The following PRH1 variants were observed in gnomAD, a reference collection of about 807,000 sequenced individuals.
The protein encoded by PRH1 is salivary acidic proline-rich phosphoprotein 1/2.
Under a neutral mutation model 7.9 loss-of-function variants are expected in PRH1, and 7 were observed. That is an observed-to-expected ratio of 0.89 (90% CI 0.50 to 1.67). The LOEUF (loss-of-function observed/expected upper bound fraction) is 1.67, where lower values mean the gene tolerates loss of function less well. Among genes scored for constraint, PRH1 ranks in the 40% most tolerant of loss-of-function variants. The pLI, the probability that PRH1 is intolerant of heterozygous loss-of-function variation, is 0.00. For synonymous variants in PRH1, 45 were observed against 80.8 expected (o/e 0.56, Z 2.38); for missense variants, 109 against 223.6 (o/e 0.49, Z 3.27).
chr12:11,161,385 T>G (rs906517933), intron 1 of PRH1, among the ~76,000 whole-genome samples: 4 of 152,210 alleles, frequency 2.6e-5, no homozygotes, highest in Non-Finnish European at 2.9e-5. Context: ...TTTAGAGGAT[T>G]TGGATAGTGA....
At chr12:11,171,130 C>T (rs1947823638) in intron 1 of PRH1, 2 of 392,584 alleles carry the variant, frequency 5.1e-6, no homozygotes, top group Non-Finnish European at 9.0e-6. Flanking sequence ...ATCAGTTGAG[C>T]TCTAAATGGT....
At chr12:11,026,332 G>T (rs1392379057) in intron 1 of PRH1, among the ~76,000 whole-genome samples, 1 of 152,022 alleles carries the variant, frequency 6.6e-6, no homozygotes, top group Non-Finnish European at 1.5e-5. Flanking sequence ...CCAGCCTGCA[G>T]GGGGAGTTTT....
At chr12:11,017,475 C>CAATT (rs143791513) in intron 1 of PRH1, among the ~76,000 whole-genome samples, 2,414 of 91,968 alleles carry the variant, frequency 0.026, 20 homozygotes, top group South Asian at 0.046. Context: ...GTTGAAAAAT[C>CAATT]AATTAATTAA....
intron 1 of PRH1, among the ~76,000 whole-genome samples, chr12:11,060,042 T>C (rs1943519624): frequency 6.6e-6 from 1 of 152,030 alleles, no homozygotes; most frequent in Admixed American, 6.6e-5. Context: ...GTTCTTACAT[T>C]GTACTGAGGA....
chr12:10,998,022 A>C, intron 1 of PRH1: 1 of 584,600 alleles, frequency 1.7e-6, no homozygotes, highest in Non-Finnish European at 2.9e-6. Context: ...GAACAATGTC[A>C]ACAGAAAAGC....
chr12:11,131,323 C>T (rs1046415720), intron 1 of PRH1, among the ~76,000 whole-genome samples: 1 of 116,036 alleles, frequency 8.6e-6, no homozygotes, highest in Non-Finnish European at 2.1e-5. Flanking sequence ...GAAGTGGCTG[C>T]CAGCAGTCAT....
intron 1 of PRH1, among the ~76,000 whole-genome samples, chr12:11,103,569 T>C (rs1945321082): frequency 6.6e-6 from 1 of 151,834 alleles, no homozygotes; most frequent in Admixed American, 6.6e-5. Context: ...GGGATAGCAT[T>C]AGGAGATATA....
intron 1 of PRH1, among the ~76,000 whole-genome samples, chr12:11,060,791 T>C (rs1054665436): frequency 6.6e-6 from 1 of 152,212 alleles, no homozygotes; most frequent in Non-Finnish European, 1.5e-5. Context: ...ATAATTCTGA[T>C]TGCTTTTTAC....
Position 11,092,691 on chromosome 12 carries a change from C to A in PRH1, n.124-45503G>T, listed in dbSNP as rs1944967330. ...GCTGATTGGTGCATTTTACAATCCCCTTGCTAGCTTCAGAAACGTTCTCCA... is the reference window on the plus strand; with the variant it reads ...GCTGATTGGTGCATTTTACAATCCCATTGCTAGCTTCAGAAACGTTCTCCA... On this transcript the variant is annotated intron_variant and non_coding_transcript_variant, in intron 1 of 4. Coordinates refer to the PRH1 transcript ENST00000541977. Among the ~76,000 whole-genome samples the A allele has an allele frequency of 1.7e-5, 2 of 115,636 alleles. 1 individual carries two copies. The highest frequency in any genetic ancestry group is 4.1e-5 in the Non-Finnish European group (2 of 48,988). 75.9% of individuals were successfully genotyped at this position (115,636 alleles called of 152,430 possible).
At chr12:10,947,237 C>T (rs749942724) in intron 2 of PRH1, among the ~76,000 whole-genome samples, 1 of 152,086 alleles carries the variant, frequency 6.6e-6, no homozygotes, top group African/African-American at 2.4e-5. Context: ...TGATGTCACT[C>T]ACTATTATTG....
chr12:10,997,658 G>T, intron 1 of PRH1: 1 of 1,613,466 alleles, frequency 6.2e-7, no homozygotes, highest in Non-Finnish European at 8.5e-7. Flanking sequence ...AGATGAAGTT[G>T]GATTCAACAC....
intron 2 of PRH1, among the ~76,000 whole-genome samples, chr12:10,959,559 C>T (rs1340676144): frequency 6.6e-6 from 1 of 152,012 alleles, no homozygotes; most frequent in East Asian, 1.9e-4. Flanking sequence ...AAATAAGATA[C>T]TAACAGATAC....
intron 1 of PRH1, among the ~76,000 whole-genome samples, chr12:11,019,920 C>A (rs1360478804): frequency 1.3e-5 from 2 of 152,278 alleles, no homozygotes; most frequent in Admixed American, 6.5e-5. Flanking sequence ...TGACCCTGAC[C>A]CTGTGCAAAT....
In PRH1 at chr12:11,055,464, G is replaced by C. The variant is rs530872855; in HGVS notation, n.124-8276C>G. On this transcript the variant is annotated intron_variant and non_coding_transcript_variant, in intron 1 of 4. Transcript: ENST00000541977. ...TTTCTGATTGTGCAGTAATGTTCTTGTTCCTTTTAAATTCTCTGACTAATG... is the reference window on the plus strand; with the variant it reads ...TTTCTGATTGTGCAGTAATGTTCTTCTTCCTTTTAAATTCTCTGACTAATG... 5.9e-5 allele frequency among the ~76,000 whole-genome samples: 9 copies of C among 152,380 alleles called. No individual in the cohort carries two copies. The East Asian group carries it at 1.7e-3, about 29-fold the overall frequency.
chr12:11,051,840 A>C (rs377056481), upstream of PRH1, among the ~76,000 whole-genome samples: 1 of 151,942 alleles, frequency 6.6e-6, no homozygotes, highest in Non-Finnish European at 1.5e-5. Context: ...TCACTTCTCT[A>C]TGTTTTTTCA....
At chr12:11,061,418 C>T in intron 1 of PRH1, 1 of 1,614,026 alleles carries the variant, frequency 6.2e-7, no homozygotes, top group Non-Finnish European at 8.5e-7. Flanking sequence ...TGCCACAAAA[C>T]TGAAAGAAAA....
chr12:10,915,816 T>C (rs1358974995), intron 2 of PRH1, among the ~76,000 whole-genome samples: 2 of 152,352 alleles, frequency 1.3e-5, no homozygotes, highest in Non-Finnish European at 2.9e-5. Context: ...TTGTCTGTCC[T>C]ATAAAAGCAT....
At chr12:10,963,337 T>A (rs1938346507) in intron 2 of PRH1, among the ~76,000 whole-genome samples, 1 of 152,234 alleles carries the variant, frequency 6.6e-6, no homozygotes, top group East Asian at 1.9e-4. Context: ...TATATTTAAG[T>A]CATTTCCTAT....
chr12:11,037,410 G>A (rs544407085), intron 1 of PRH1, among the ~76,000 whole-genome samples: 41 of 152,258 alleles, frequency 2.7e-4, no homozygotes, highest in African/African-American at 9.6e-4. Context: ...CTAATGTAGA[G>A]CCAAAAAATT....
Sources: gnomAD v4.1 joint callset for allele counts (sites outside exome capture counted in the v4.1 genomes callset) on GRCh38, gnomAD v4.1.1 for gene constraint, MANE v1.5 for transcripts, NCBI Gene and HGNC (gene_info 2026-07-23, HGNC 2026-07-21) for gene names.